Variants in CTNNA3 observed in about 807,000 individuals in gnomAD.
The protein encoded by CTNNA3 is catenin alpha 3.
CTNNA3 carries 76 observed loss-of-function variants against 95.7 expected under a neutral mutation model. That is an observed-to-expected ratio of 0.79 (90% CI 0.66 to 0.96). The LOEUF (loss-of-function observed/expected upper bound fraction) is 0.96. Among genes scored for constraint, CTNNA3 ranks in the 40% least tolerant of loss-of-function variants. The probability of loss-of-function intolerance (pLI) is 0.00; values close to 1 mark genes in which losing one functional copy is unlikely to be tolerated. For synonymous variants in CTNNA3, 431 were observed against 374.4 expected (o/e 1.15, Z -1.74); for missense variants, 1,191 against 1,089.8 (o/e 1.09, Z -1.31).
chr10:66,228,314 A>G (rs1380427667), intron 13 of CTNNA3, among the ~76,000 whole-genome samples: 1 of 151,908 alleles, frequency 6.6e-6, no homozygotes, highest in Non-Finnish European at 1.5e-5. Flanking sequence ...ATAAATTTCT[A>G]TATTACTACT....
intron 3 of CTNNA3, among the ~76,000 whole-genome samples, chr10:67,584,034 A>G (rs1240906023): frequency 6.6e-6 from 1 of 151,540 alleles, no homozygotes; most frequent in Non-Finnish European, 1.5e-5. Flanking sequence ...GAAGTTTGTT[A>G]TTCCTGATCA....
intron 10 of CTNNA3, among the ~76,000 whole-genome samples, chr10:66,566,260 G>A (rs1030679039): frequency 6.6e-6 from 1 of 152,130 alleles, no homozygotes; most frequent in African/African-American, 2.4e-5. Context: ...AGAAAGACAC[G>A]AGTTGCACAT....
At chr10:66,636,207 A>G (rs1238172531) in intron 9 of CTNNA3, among the ~76,000 whole-genome samples, 1 of 152,070 alleles carries the variant, frequency 6.6e-6, no homozygotes, top group Non-Finnish European at 1.5e-5. Context: ...TTATATGATA[A>G]AAATGAAGTA....
chr10:67,364,063 G>A (rs1843106924), intron 5 of CTNNA3, among the ~76,000 whole-genome samples: 1 of 152,158 alleles, frequency 6.6e-6, no homozygotes, highest in African/African-American at 2.4e-5. Flanking sequence ...GAACATCAAT[G>A]CAAAAGTCCT....
chr10:67,368,606 C>A (rs939511960), intron 5 of CTNNA3, among the ~76,000 whole-genome samples: 13 of 152,232 alleles, frequency 8.5e-5, no homozygotes, highest in African/African-American at 2.9e-4. Flanking sequence ...AAACTGGAAA[C>A]AACCCAAGCA....
At chr10:67,460,762 T>C (rs1375068685) in intron 5 of CTNNA3, among the ~76,000 whole-genome samples, 1 of 152,026 alleles carries the variant, frequency 6.6e-6, no homozygotes, top group Non-Finnish European at 1.5e-5. Context: ...AATTTCATTA[T>C]GGAGGTAATA....
intron 7 of CTNNA3, among the ~76,000 whole-genome samples, chr10:66,828,357 T>C (rs887465448): frequency 6.6e-6 from 1 of 152,198 alleles, no homozygotes; most frequent in Non-Finnish European, 1.5e-5. Context: ...CTAATTCCCC[T>C]AGGCCAACTT....
chr10:66,416,969 T>A (rs2093151768), intron 11 of CTNNA3, among the ~76,000 whole-genome samples: 1 of 151,748 alleles, frequency 6.6e-6, no homozygotes. Flanking sequence ...AAGAGGAAAA[T>A]CAAGAACAAA....
At chr10:67,592,208 C>G (rs1195124105) in intron 3 of CTNNA3, among the ~76,000 whole-genome samples, 1 of 152,158 alleles carries the variant, frequency 6.6e-6, no homozygotes, top group East Asian at 1.9e-4. Context: ...TTCAGGACCC[C>G]TCTCATTGCT....
At chr10:66,658,992 T>G (rs1209877203) in intron 9 of CTNNA3, among the ~76,000 whole-genome samples, 1 of 152,104 alleles carries the variant, frequency 6.6e-6, no homozygotes, top group Non-Finnish European at 1.5e-5. Flanking sequence ...CCCAGCAGTT[T>G]TTTTCTTCTC....
At position 67,168,095 on chromosome 10, in the gene CTNNA3, C is replaced by T. The variant is rs77796435; in HGVS notation, c.1047+12222G>A. Among the ~76,000 whole-genome samples, 1,708 of 152,258 alleles carry T rather than the reference C, an allele frequency of 0.011. 92 individuals carry two copies. The East Asian group carries it at 0.17, about 15-fold the overall frequency. Reference sequence around the variant, plus strand: ...GGATTGCAGTGAGCCGAGATGGCGTCACTGCACTTCAGCCTAGGCAACAGA... The same window carrying T: ...GGATTGCAGTGAGCCGAGATGGCGTTACTGCACTTCAGCCTAGGCAACAGA... On this transcript the variant is annotated intron_variant, in intron 7 of 17. Coordinates refer to ENST00000433211, the MANE Select transcript of CTNNA3 (RefSeq NM_013266.4).
At chr10:67,476,891 C>T (rs1419998649) in intron 5 of CTNNA3, among the ~76,000 whole-genome samples, 1 of 151,806 alleles carries the variant, frequency 6.6e-6, no homozygotes, top group Non-Finnish European at 1.5e-5. Context: ...ACTCCACCCT[C>T]AAGCAGATCT....
At chr10:67,255,467 T>C (rs1564515401) in intron 5 of CTNNA3, among the ~76,000 whole-genome samples, 2 of 152,202 alleles carry the variant, frequency 1.3e-5, no homozygotes, top group Admixed American at 1.3e-4. Flanking sequence ...GTTTCTTCTA[T>C]GTATTACATA....
chr10:67,730,253 G>C (rs1841266912), intron 1 of CTNNA3, among the ~76,000 whole-genome samples: 1 of 151,984 alleles, frequency 6.6e-6, no homozygotes, highest in Non-Finnish European at 1.5e-5. Context: ...AACTAGATCA[G>C]ATTCAGATGG....
intron 5 of CTNNA3, among the ~76,000 whole-genome samples, chr10:67,343,008 A>G (rs1475285342): frequency 6.6e-6 from 1 of 152,148 alleles, no homozygotes; most frequent in African/African-American, 2.4e-5. Context: ...GCTAGAGTAC[A>G]GTGGCACGAT....
In CTNNA3 at chr10:65,913,636, A is replaced by G. The variant is rs1351642766; in HGVS notation, c.*6694T>C. The G allele has an allele frequency of 1.3e-5, 2 of 152,180 alleles. No individual in the cohort carries two copies. The highest frequency in any genetic ancestry group is 2.9e-5 in the Non-Finnish European group (2 of 68,026). 9.4% of individuals were successfully genotyped at this position (152,180 alleles called of 1,614,324 possible). On this transcript the variant is annotated 3_prime_UTR_variant, in exon 18 of 18. Coordinates refer to ENST00000433211, the MANE Select transcript of CTNNA3 (RefSeq NM_013266.4). ...TGGTATAAGATTTGGCAAGCAATGG[A>G]ACATGATTTTTATAGTAGTTTAAAA...
At chr10:67,134,864 G>A (rs1190654577) in intron 7 of CTNNA3, among the ~76,000 whole-genome samples, 1 of 152,102 alleles carries the variant, frequency 6.6e-6, no homozygotes, top group Non-Finnish European at 1.5e-5. Context: ...ATTTTTATAT[G>A]ACAGAGAGGA....
At chr10:66,630,436 T>C (rs759246108) in intron 9 of CTNNA3, among the ~76,000 whole-genome samples, 6 of 152,112 alleles carry the variant, frequency 3.9e-5, no homozygotes, top group Admixed American at 6.6e-5. Context: ...AAGTTTTACC[T>C]TCACTTAAGA....
rs938312030 is a variant in CTNNA3 at position 67,754,129 on chromosome 10, C to A, written c.-2+9305G>T. On this transcript the variant is annotated intron_variant, in intron 1 of 17. Coordinates refer to the CTNNA3 transcript ENST00000684154. ...TACATACACACCATGGAATGCTCTG[C>A]AGCCATAAAAAGGAACAAGATCGTG... Among the ~76,000 whole-genome samples, 35 of 152,272 alleles carry A rather than the reference C, an allele frequency of 2.3e-4. 1 individual carries two copies. Among genetic ancestry groups the A allele is most frequent in the African/African-American group, 8.2e-4 (34 of 41,548 alleles).
Sources: allele counts gnomAD v4.1 joint callset (sites outside exome capture counted in the v4.1 genomes callset), GRCh38; gene constraint gnomAD v4.1.1; transcripts MANE v1.5; gene names NCBI Gene and HGNC (gene_info 2026-07-23, HGNC 2026-07-21).